Variants in ZFAT observed in about 807,000 individuals in gnomAD.
The protein encoded by ZFAT is zinc finger and AT-hook domain containing, also known as zinc finger protein ZFAT.
A neutral mutation model predicts 117.7 loss-of-function variants in ZFAT; 64 were observed. That is an observed-to-expected ratio of 0.54 (90% confidence interval 0.44 to 0.67). The LOEUF is 0.67. ZFAT is among the 30% of genes least tolerant of loss of function. ZFAT has a pLI of 0.00. For missense variants in ZFAT, 1,433 were observed against 1,584.5 expected (o/e 0.90, Z 1.62); for synonymous variants, 679 against 615.0 (o/e 1.10, Z -1.54).
chr8:134,806,009 T>C, the ZFAT span, among the ~76,000 whole-genome samples: 2 of 151,962 alleles, frequency 1.3e-5, no homozygotes, highest in African/African-American at 2.4e-5. Flanking sequence ...AAATAAAATA[T>C]GTAAAGTAAC....
At chr8:134,539,627 G>A (rs922429628) in intron 11 of ZFAT, among the ~76,000 whole-genome samples, 14 of 152,160 alleles carry the variant, frequency 9.2e-5, no homozygotes, top group Admixed American at 2.6e-4. Flanking sequence ...CTAACCACCC[G>A]TCTGGTATCA....
chr8:134,656,330 G>T (rs1435234141), intron 2 of ZFAT, among the ~76,000 whole-genome samples: 1 of 152,204 alleles, frequency 6.6e-6, no homozygotes, highest in African/African-American at 2.4e-5. Flanking sequence ...GGACAGGTCT[G>T]CTCACAAGGC....
In ZFAT at chr8:134,532,989, G is replaced by A. The variant is rs371968497; in HGVS notation, c.2977-17C>T. 2.5e-6 allele frequency: 4 copies of A among 1,588,420 alleles called. No homozygotes were observed. The African/African-American group carries it at 4.0e-5, about 16-fold the overall frequency. Reference sequence around the variant, plus strand: ...GCGGAAAGGCTGCGGGGACAATGAGGAGGGGTTAGGAAAGGTGAGCCCCAG... The same window carrying A: ...GCGGAAAGGCTGCGGGGACAATGAGAAGGGGTTAGGAAAGGTGAGCCCCAG... On this transcript the variant is annotated splice_polypyrimidine_tract_variant and intron_variant, in intron 11 of 15. Transcript: ENST00000377838.
At chr8:134,508,775 A>G (rs1819600599) in intron 15 of ZFAT, among the ~76,000 whole-genome samples, 1 of 152,262 alleles carries the variant, frequency 6.6e-6, no homozygotes. Context: ...GACAACAGTA[A>G]GCACTCAATA....
intron 1 of ZFAT, among the ~76,000 whole-genome samples, chr8:134,679,919 T>G (rs200430949): frequency 2.4e-5 from 3 of 123,964 alleles, no homozygotes; most frequent in African/African-American, 9.1e-5. Flanking sequence ...AAGGGAACAT[T>G]ACACACTGGG....
At chr8:134,564,963 C>T in intron 11 of ZFAT, 2 of 1,232,092 alleles carry the variant, frequency 1.6e-6, no homozygotes, top group Non-Finnish European at 2.1e-6. Context: ...GGCTTCATCA[C>T]ACCTGCTTTA....
intron 15 of ZFAT, 45 bp downstream of exon 15, chr8:134,509,574 T>A (rs753046600): frequency 3.1e-6 from 5 of 1,610,376 alleles, no homozygotes; most frequent in Non-Finnish European, 3.4e-6. Flanking sequence ...AGAACCTGAC[T>A]GTGAGACACA....
intron 14 of ZFAT, among the ~76,000 whole-genome samples, chr8:134,511,497 C>T (rs905909478): frequency 3.3e-5 from 5 of 152,212 alleles, no homozygotes; most frequent in African/African-American, 1.2e-4. Context: ...CTTCCCTAAA[C>T]CAACTGGCCC....
the ZFAT span, among the ~76,000 whole-genome samples, chr8:134,782,964 A>G: frequency 6.6e-6 from 1 of 151,890 alleles, no homozygotes; most frequent in Non-Finnish European, 1.5e-5. Context: ...TATTGTTATG[A>G]GCAAATATGT....
At chr8:134,753,119 T>G in the ZFAT span, among the ~76,000 whole-genome samples, 1 of 152,194 alleles carries the variant, frequency 6.6e-6, no homozygotes, top group African/African-American at 2.4e-5. Context: ...GAGGATCGCC[T>G]GAGTCCAGAT....
At chr8:134,538,623 C>A (rs1822016599) in intron 11 of ZFAT, among the ~76,000 whole-genome samples, 1 of 151,832 alleles carries the variant, frequency 6.6e-6, no homozygotes, top group South Asian at 2.1e-4. Context: ...ATGGCGAAAC[C>A]CCTTCTCTAC....
intron 5 of ZFAT, among the ~76,000 whole-genome samples, chr8:134,608,456 A>G (rs1430322258): frequency 6.6e-6 from 1 of 152,198 alleles, no homozygotes; most frequent in Non-Finnish European, 1.5e-5. Flanking sequence ...GGTAAAAAAT[A>G]GTTTTTCTTT....
chr8:134,522,323 T>C (rs1203311479), intron 12 of ZFAT, among the ~76,000 whole-genome samples: 1 of 152,226 alleles, frequency 6.6e-6, no homozygotes, highest in Non-Finnish European at 1.5e-5. Flanking sequence ...GTAACATCCA[T>C]TGACTTTAAG....
intron 15 of ZFAT, among the ~76,000 whole-genome samples, chr8:134,497,796 G>A (rs1467019895): frequency 8.0e-6 from 1 of 125,590 alleles, no homozygotes; most frequent in African/African-American, 3.0e-5. Flanking sequence ...GGTTGGGGTG[G>A]AGCCGGGATG....
chr8:134,548,625 C>T (rs147940957), intron 11 of ZFAT, among the ~76,000 whole-genome samples: 32 of 152,278 alleles, frequency 2.1e-4, no homozygotes, highest in African/African-American at 7.7e-4. Context: ...GTCTGTTTCA[C>T]AAAATGTAAG....
At chr8:134,485,069 G>A (rs963534403) in intron 15 of ZFAT, among the ~76,000 whole-genome samples, 1 of 152,222 alleles carries the variant, frequency 6.6e-6, no homozygotes, top group African/African-American at 2.4e-5. Flanking sequence ...CAGGTGCTGT[G>A]TGAAGAGTCT....
At chr8:134,726,284 T>G in the ZFAT span, among the ~76,000 whole-genome samples, 3 of 152,180 alleles carry the variant, frequency 2.0e-5, no homozygotes, top group Non-Finnish European at 2.9e-5. Context: ...AGTTGGGGTT[T>G]TATGCATTGG....
At chr8:134,790,538 T>C in the ZFAT span, among the ~76,000 whole-genome samples, 4 of 152,114 alleles carry the variant, frequency 2.6e-5, no homozygotes, top group Non-Finnish European at 4.4e-5. Flanking sequence ...CTCAAAAACT[T>C]CAGTGCGTAC....
intron 1 of ZFAT, among the ~76,000 whole-genome samples, chr8:134,676,515 C>G (rs36179259): frequency 6.6e-6 from 1 of 152,100 alleles, no homozygotes; most frequent in Non-Finnish European, 1.5e-5. Flanking sequence ...TAACACCTCA[C>G]TGTCAATATT....
Sources: gnomAD v4.1 joint callset for allele counts (sites outside exome capture counted in the v4.1 genomes callset) on GRCh38, gnomAD v4.1.1 for gene constraint, MANE v1.5 for transcripts, NCBI Gene and HGNC (gene_info 2026-07-23, HGNC 2026-07-21) for gene names.